Variants in PCDHA7 observed in about 807,000 individuals in gnomAD.
The protein encoded by PCDHA7 is protocadherin alpha-7.
In PCDHA7, 37 loss-of-function variants were observed where a neutral mutation model predicts 57.2. The ratio of observed to expected loss-of-function variants is 0.65; its 90% confidence interval spans 0.50 to 0.85. PCDHA7 has a LOEUF of 0.85. PCDHA7 is among the 40% of genes least tolerant of loss of function. The probability of loss-of-function intolerance (pLI) is 0.00; values close to 1 mark genes in which losing one functional copy is unlikely to be tolerated. For synonymous variants in PCDHA7, 553 were observed against 558.8 expected (o/e 0.99, Z 0.15); for missense variants, 1,188 against 1,241.8 (o/e 0.96, Z 0.65).
At chr5:140,879,672 G>C (rs1256239319) in intron 1 of PCDHA7, among the ~76,000 whole-genome samples, 1 of 152,160 alleles carries the variant, frequency 6.6e-6, no homozygotes, top group East Asian at 1.9e-4. Flanking sequence ...ACACAAACTG[G>C]GTGCTGTAAA....
intron 3 of PCDHA7, among the ~76,000 whole-genome samples, chr5:140,999,060 G>A (rs1199782818): frequency 1.3e-5 from 2 of 152,210 alleles, no homozygotes; most frequent in East Asian, 1.9e-4. Context: ...CCATGCCTAA[G>A]TAGTCTCCTT....
intron 3 of PCDHA7, among the ~76,000 whole-genome samples, chr5:140,990,983 A>G (rs3776109): frequency 0.049 from 7,423 of 152,298 alleles, 240 homozygotes; most frequent in South Asian, 0.11. Flanking sequence ...AAAGGAAGAC[A>G]ATAGCTACCA....
chr5:140,836,128 C>T lies in PCDHA7; in HGVS notation c.1745C>T (p.Pro582Leu), dbSNP rs2150253454. Residue 582 changes from proline (P) to leucine (L), a missense_variant, in exon 1 of 4, where the codon CCG (proline) becomes CTG (leucine). Physicochemically the swap from Pro to Leu is moderately conservative, Grantham distance 98. Around this residue, in one of 3 missense-constraint regions of PCDHA7, gnomAD observed 892 missense variants for 788.5 expected, o/e 1.13. Transcript: ENST00000525929. The part of the protein sequence containing the change: ...GTGGAVRELV[P>L]RSVGAGHVVA... ...GGTGGCGCAGTGAGAGAGCTTGTGC[C>T]GCGGTCTGTGGGCGCGGGCCATGTG... The T allele has an allele frequency of 6.2e-6, 10 of 1,613,624 alleles. No homozygotes were observed. The highest frequency in any genetic ancestry group is 1.1e-5 in the South Asian group (1 of 91,074).
chr5:140,928,551 G>C, intron 1 of PCDHA7: 1 of 1,614,164 alleles, frequency 6.2e-7, no homozygotes, highest in Non-Finnish European at 8.5e-7. Context: ...ACAATTATCC[G>C]GTTATCTTGT....
chr5:140,882,888 A>G, intron 1 of PCDHA7: 1 of 1,614,190 alleles, frequency 6.2e-7, no homozygotes. Context: ...GAAATTCAGG[A>G]ACATAGTTTA....
At position 140,842,264 on chromosome 5, in the gene PCDHA7, T is replaced by G; in HGVS notation, c.2355+5526T>G. The G allele has an allele frequency of 1.9e-6, 3 of 1,610,762 alleles. No homozygotes were observed. The South Asian group carries it at 3.3e-5, about 18-fold the overall frequency. Reference sequence around the variant, plus strand: ...TAATTTGGATTTTGAACAAGAAAACTTATACAAAATCCTCATTGACGCCAC... The same window carrying G: ...TAATTTGGATTTTGAACAAGAAAACGTATACAAAATCCTCATTGACGCCAC... On this transcript the variant is annotated intron_variant, in intron 1 of 3. Transcript: ENST00000525929.
chr5:140,890,646 C>A (rs1332050034), intron 1 of PCDHA7, among the ~76,000 whole-genome samples: 4 of 152,082 alleles, frequency 2.6e-5, no homozygotes, highest in African/African-American at 9.7e-5. Flanking sequence ...CTTGATATAT[C>A]AAAATCAAAA....
At chr5:140,870,368 T>A in intron 1 of PCDHA7, 1 of 1,614,094 alleles carries the variant, frequency 6.2e-7, no homozygotes, top group Admixed American at 1.7e-5. Context: ...GCCTATGAAC[T>A]GGTGGTGACT....
intron 1 of PCDHA7, chr5:140,857,580 C>A (rs782567056): frequency 6.3e-7 from 1 of 1,596,630 alleles, no homozygotes; most frequent in South Asian, 1.1e-5. Context: ...TCGGTGCACG[C>A]GGAGAGCGGC....
intron 1 of PCDHA7, chr5:140,869,184 G>C: frequency 6.2e-7 from 1 of 1,613,954 alleles, no homozygotes; most frequent in Non-Finnish European, 8.5e-7. Context: ...GGGAGGTGGG[G>C]AGCGGCCAGC....
intron 1 of PCDHA7, chr5:140,849,907 G>A (rs2150457051): frequency 1.3e-6 from 2 of 1,598,320 alleles, no homozygotes; most frequent in East Asian, 4.5e-5. Flanking sequence ...AACCCGCCGG[G>A]CTGCCACATC....
rs1773186748 is a variant in PCDHA7, at chr5:140,834,667, T to C, written c.284T>C (p.Leu95Pro). 8 of 1,614,226 alleles carry C rather than the reference T, an allele frequency of 5.0e-6. No homozygotes were observed. Among genetic ancestry groups the C allele is most frequent in the Non-Finnish European group, 6.8e-6 (8 of 1,180,046 alleles). Residue 95 changes from leucine (L) to proline (P), a missense_variant, in exon 1 of 4, where the codon CTG becomes CCG. Leu to Pro is a moderately conservative substitution (Grantham distance 98, BLOSUM62 -3). Coordinates refer to ENST00000525929, the MANE Select transcript of PCDHA7 (RefSeq NM_018910.3). ...AATTCTCGGATCGACCGCGAGGAGC[T>C]GTGCGGGCGGAGCGCGGAGTGCAGC... is the stretch of plus-strand genomic sequence containing the variant. ...FVNSRIDREE[L>P]CGRSAECSIH...
In PCDHA7 at chr5:140,876,147, T is replaced by A. The variant is rs183600546; in HGVS notation, c.2355+39409T>A. 4.3e-6 allele frequency: 7 copies of A among 1,613,994 alleles called. No individual in the cohort carries two copies. The Admixed American group carries it at 1.2e-4, about 27-fold the overall frequency. ...GCGGTAAACCAGAACTAACAGGGTC[T>A]GTCCAGATTCAAATAACCGTCCTGG... is the stretch of plus-strand genomic sequence containing the variant. On this transcript the variant is annotated intron_variant, in intron 1 of 3. Transcript: ENST00000525929.
chr5:140,844,416 T>C (rs2150371030), intron 1 of PCDHA7, among the ~76,000 whole-genome samples: 3 of 149,642 alleles, frequency 2.0e-5, no homozygotes, highest in Admixed American at 6.7e-5. Context: ...TGGAGACATG[T>C]TTTTTATTCT....
intron 1 of PCDHA7, chr5:140,870,778 G>T: frequency 1.2e-6 from 2 of 1,613,620 alleles, no homozygotes; most frequent in South Asian, 1.1e-5. Context: ...GGACGAGAAC[G>T]ACAACGCGCC....
intron 3 of PCDHA7, among the ~76,000 whole-genome samples, chr5:140,984,112 A>G (rs2097087288): frequency 6.6e-6 from 1 of 152,244 alleles, no homozygotes; most frequent in Admixed American, 6.5e-5. Flanking sequence ...GTGGTTTTAG[A>G]CTGCCAAGTG....
chr5:140,916,721 T>G (rs2077698319), intron 1 of PCDHA7, among the ~76,000 whole-genome samples: 1 of 152,186 alleles, frequency 6.6e-6, no homozygotes, highest in Non-Finnish European at 1.5e-5. Context: ...AAGGAGTGAC[T>G]TTTGTTGCTG....
chr5:140,901,549 A>T (rs1554189886), intron 1 of PCDHA7, among the ~76,000 whole-genome samples: 1 of 152,052 alleles, frequency 6.6e-6, no homozygotes, highest in Non-Finnish European at 1.5e-5. Context: ...ATTCTGTTCC[A>T]TTCATCTATG....
intron 1 of PCDHA7, chr5:140,854,159 C>CTAAAA (rs2043003709): frequency 3.1e-6 from 1 of 323,772 alleles, no homozygotes; most frequent in Admixed American, 1.0e-4. Context: ...GATTCTGTCT[C>CTAAAA]AAAAAAAAAA....
Sources: allele counts gnomAD v4.1 joint callset (sites outside exome capture counted in the v4.1 genomes callset), GRCh38; gene constraint gnomAD v4.1.1; regional missense constraint gnomAD v4.1.1; transcripts MANE v1.5; gene names NCBI Gene and HGNC (gene_info 2026-07-23, HGNC 2026-07-21).